The following MAML2 variants were observed in gnomAD, a reference collection of about 807,000 sequenced individuals.
MAML2 encodes mastermind like transcriptional coactivator 2, also known as mastermind-like protein 2.
MAML2 carries 22 observed loss-of-function variants against 96.1 expected under a neutral mutation model. That is an observed-to-expected ratio of 0.23 (90% CI 0.16 to 0.33). The LOEUF (loss-of-function observed/expected upper bound fraction) is 0.33. Among genes scored for constraint, MAML2 ranks in the 10% least tolerant of loss-of-function variants. The pLI, the probability that MAML2 is intolerant of heterozygous loss-of-function variation, is 1.00. For synonymous variants in MAML2, 561 were observed against 521.3 expected (o/e 1.08, Z -1.04); for missense variants, 1,367 against 1,392.4 (o/e 0.98, Z 0.29).
chr11:95,998,814 G>A (rs1858037761), intron 2 of MAML2, among the ~76,000 whole-genome samples: 1 of 152,142 alleles, frequency 6.6e-6, no homozygotes. Context: ...CTGGATGCAT[G>A]TTTTAACTTA....
At chr11:96,073,541 C>T (rs975761914) in intron 2 of MAML2, among the ~76,000 whole-genome samples, 4 of 151,962 alleles carry the variant, frequency 2.6e-5, no homozygotes, top group Admixed American at 6.6e-5. Flanking sequence ...AGGATGGTCT[C>T]GATCTCTTGA....
At chr11:95,990,611 G>A (rs1857893447) in intron 3 of MAML2, among the ~76,000 whole-genome samples, 1 of 152,254 alleles carries the variant, frequency 6.6e-6, no homozygotes, top group African/African-American at 2.4e-5. Flanking sequence ...GGCTTCTCTA[G>A]GGTGAAGAGA....
At chr11:96,120,115 G>T (rs1483946906) in intron 1 of MAML2, among the ~76,000 whole-genome samples, 2 of 152,034 alleles carry the variant, frequency 1.3e-5, no homozygotes, top group Non-Finnish European at 1.5e-5. Flanking sequence ...CTGCCAGCAC[G>T]CCCGGCTAAT....
At chr11:96,253,394 C>A (rs1460198800) in intron 1 of MAML2, among the ~76,000 whole-genome samples, 1 of 152,194 alleles carries the variant, frequency 6.6e-6, no homozygotes, top group African/African-American at 2.4e-5. Context: ...CTTCCTTACT[C>A]AACACAAGAC....
chr11:96,207,698 T>G (rs974515773), intron 1 of MAML2, among the ~76,000 whole-genome samples: 1 of 152,234 alleles, frequency 6.6e-6, no homozygotes, highest in Non-Finnish European at 1.5e-5. Flanking sequence ...AGGCAGTATA[T>G]GCATGGCTGT....
At chr11:96,260,282 T>C (rs1862729570) in intron 1 of MAML2, among the ~76,000 whole-genome samples, 1 of 152,170 alleles carries the variant, frequency 6.6e-6, no homozygotes, top group African/African-American at 2.4e-5. Flanking sequence ...AGTGGCCCCA[T>C]GAGACCCAGT....
At chr11:96,114,341 G>T (rs997898841) in intron 1 of MAML2, among the ~76,000 whole-genome samples, 2 of 152,186 alleles carry the variant, frequency 1.3e-5, no homozygotes, top group East Asian at 3.9e-4. Flanking sequence ...CAGTCTAGAG[G>T]TACCAGATTT....
intron 1 of MAML2, among the ~76,000 whole-genome samples, chr11:96,208,811 T>A (rs115586612): frequency 0.013 from 2,034 of 150,968 alleles, 52 homozygotes; most frequent in African/African-American, 0.047. Context: ...TTAAAGAAAT[T>A]AAAAAAAAAT....
At chr11:96,320,912 GGGAGAAAACATGT>G (rs1206164365) in intron 1 of MAML2, among the ~76,000 whole-genome samples, 3 of 152,194 alleles carry the variant, frequency 2.0e-5, no homozygotes, top group African/African-American at 7.2e-5. Context: ...TTGGAAGAGT[GGGAGAAAACATGT>G]GGAATCCACA....
intron 1 of MAML2, among the ~76,000 whole-genome samples, chr11:96,232,349 C>G (rs1862305503): frequency 6.6e-6 from 1 of 152,132 alleles, no homozygotes; most frequent in Non-Finnish European, 1.5e-5. Context: ...TACAGAAATT[C>G]CGAGAGAATA....
chr11:96,031,793 G>T (rs1165575182), intron 2 of MAML2, among the ~76,000 whole-genome samples: 8 of 152,020 alleles, frequency 5.3e-5, no homozygotes, highest in Admixed American at 4.6e-4. Context: ...AGACCACCCT[G>T]GCTAACATGG....
At chr11:96,225,629 C>G (rs1175347122) in intron 1 of MAML2, among the ~76,000 whole-genome samples, 2 of 152,096 alleles carry the variant, frequency 1.3e-5, no homozygotes, top group Non-Finnish European at 2.9e-5. Flanking sequence ...GTCACAAGTT[C>G]AAGACCAGCC....
chr11:96,201,148 A>G (rs1287025018), intron 1 of MAML2, among the ~76,000 whole-genome samples: 4 of 152,198 alleles, frequency 2.6e-5, no homozygotes, highest in Non-Finnish European at 4.4e-5. Context: ...GTAGTTCCAT[A>G]TAACTACTTA....
At chr11:96,116,840 T>C (rs1860251629) in intron 1 of MAML2, among the ~76,000 whole-genome samples, 2 of 152,176 alleles carry the variant, frequency 1.3e-5, no homozygotes, top group Admixed American at 1.3e-4. Context: ...TGCAAAGTAC[T>C]ATAGTAGCCT....
At chr11:96,331,292 A>G (rs1465066297) in intron 1 of MAML2, among the ~76,000 whole-genome samples, 1 of 152,074 alleles carries the variant, frequency 6.6e-6, no homozygotes, top group Non-Finnish European at 1.5e-5. Context: ...AAAAAAGACA[A>G]TCTACCACAG....
At chr11:96,282,784 C>A (rs1450500980) in intron 1 of MAML2, among the ~76,000 whole-genome samples, 6 of 152,202 alleles carry the variant, frequency 3.9e-5, no homozygotes, top group Admixed American at 1.3e-4. Flanking sequence ...TCAGAGGCAA[C>A]TGTAACTTCC....
intron 1 of MAML2, among the ~76,000 whole-genome samples, chr11:96,327,407 T>G (rs1863800147): frequency 6.6e-6 from 1 of 152,060 alleles, no homozygotes; most frequent in African/African-American, 2.4e-5. Flanking sequence ...AAAACTGATC[T>G]TCTTTCCCAT....
At chr11:95,993,944 T>C (rs772760151) in intron 2 of MAML2, among the ~76,000 whole-genome samples, 5 of 152,178 alleles carry the variant, frequency 3.3e-5, no homozygotes, top group Non-Finnish European at 5.9e-5. Flanking sequence ...TTAACCCAAC[T>C]TTGCAGATGA....
chr11:95,999,580 A>G (rs1426877581), intron 2 of MAML2, among the ~76,000 whole-genome samples: 1 of 152,072 alleles, frequency 6.6e-6, no homozygotes, highest in Non-Finnish European at 1.5e-5. Context: ...TAATTAAAAA[A>G]AAAAAAAAAA....
Sources: gnomAD v4.1 joint callset for allele counts (sites outside exome capture counted in the v4.1 genomes callset) on GRCh38, gnomAD v4.1.1 for gene constraint, MANE v1.5 for transcripts, NCBI Gene and HGNC (gene_info 2026-07-23, HGNC 2026-07-21) for gene names.